TMEM232: variants seen among roughly 807,000 people sequenced by gnomAD.
The protein encoded by TMEM232 is transmembrane protein 232.
A neutral mutation model predicts 78.8 loss-of-function variants in TMEM232; 80 were observed. The ratio of observed to expected loss-of-function variants is 1.01; its 90% CI spans 0.85 to 1.22. TMEM232 has a LOEUF of 1.22. Ranked by LOEUF, TMEM232 falls within the 50% of genes most tolerant of loss-of-function variation. The probability of loss-of-function intolerance (pLI) is 0.00; values close to 1 mark genes in which losing one functional copy is unlikely to be tolerated. For missense variants in TMEM232, 881 were observed against 742.2 expected, an observed-to-expected ratio of 1.19 and a Z score of -2.17; for synonymous variants, 297 against 254.3, an observed-to-expected ratio of 1.17 and a Z score of -1.60.
chr5:110,506,177 G>A (rs1269975897), intron 12 of TMEM232, among the ~76,000 whole-genome samples: 2 of 152,080 alleles, frequency 1.3e-5, no homozygotes, highest in African/African-American at 4.8e-5. Flanking sequence ...CATACCTTAC[G>A]GATAAAAGTG....
chr5:110,620,541 A>C (rs900550438), intron 7 of TMEM232, among the ~76,000 whole-genome samples: 1 of 138,872 alleles, frequency 7.2e-6, no homozygotes, highest in Non-Finnish European at 1.5e-5. Context: ...CTCTCTTATT[A>C]AGACATCCCA....
intron 2 of TMEM232, among the ~76,000 whole-genome samples, chr5:110,410,489 GATATA>G (rs2112581591): frequency 6.6e-6 from 1 of 152,196 alleles, no homozygotes; most frequent in African/African-American, 2.4e-5. Flanking sequence ...CCTAAGAACT[GATATA>G]ATATTTTTTC....
chr5:110,406,077 T>C (rs1373780920), intron 2 of TMEM232, among the ~76,000 whole-genome samples: 3 of 151,970 alleles, frequency 2.0e-5, no homozygotes, highest in African/African-American at 7.2e-5. Context: ...ATGACTGACT[T>C]CTCATCAGAA....
At chr5:110,717,531 C>T (rs1034865524) in intron 1 of TMEM232, among the ~76,000 whole-genome samples, 1 of 152,094 alleles carries the variant, frequency 6.6e-6, no homozygotes, top group South Asian at 2.1e-4. Flanking sequence ...TGTCCTCTTG[C>T]CCAATGTCCT....
At chr5:110,697,798 A>G (rs1794973146) in intron 1 of TMEM232, among the ~76,000 whole-genome samples, 1 of 152,142 alleles carries the variant, frequency 6.6e-6, no homozygotes, top group South Asian at 2.1e-4. Flanking sequence ...TCAGGAAACA[A>G]CAGGTCCTAG....
chr5:110,406,325 A>G (rs1195416815), intron 2 of TMEM232, among the ~76,000 whole-genome samples: 1 of 148,302 alleles, frequency 6.7e-6, no homozygotes, highest in African/African-American at 2.4e-5. Context: ...TATATATAAT[A>G]TTTTCTGTAT....
intron 2 of TMEM232, among the ~76,000 whole-genome samples, chr5:110,659,449 T>C (rs190833194): frequency 6.6e-6 from 1 of 152,276 alleles, no homozygotes; most frequent in Admixed American, 6.5e-5. Context: ...CCCAGGCTGG[T>C]ACACTTACAG....
chr5:110,411,929 C>T (rs311717), intron 2 of TMEM232, among the ~76,000 whole-genome samples: 41,567 of 151,944 alleles, frequency 0.27, 9,381 homozygotes, highest in African/African-American at 0.61. Flanking sequence ...ACTGTAATAT[C>T]TAAATTATGA....
chr5:110,695,290 C>G (rs547325358), intron 1 of TMEM232, among the ~76,000 whole-genome samples: 2 of 152,086 alleles, frequency 1.3e-5, no homozygotes, highest in Non-Finnish European at 2.9e-5. Context: ...ATCTCTGGGA[C>G]GCATTCAAAG....
chr5:110,691,032 C>T (rs11948506), intron 1 of TMEM232, among the ~76,000 whole-genome samples: 25,798 of 151,342 alleles, frequency 0.17, 3,124 homozygotes, highest in African/African-American at 0.34. Flanking sequence ...AGATGACAGG[C>T]TGATGGGTGC....
chr5:110,533,541 C>T (rs536392990), intron 11 of TMEM232, among the ~76,000 whole-genome samples: 25 of 152,338 alleles, frequency 1.6e-4, no homozygotes, highest in Non-Finnish European at 3.4e-4. Context: ...CTATGCTCAA[C>T]TCACTCTACA....
intron 12 of TMEM232, among the ~76,000 whole-genome samples, chr5:110,516,176 T>G (rs367632328): frequency 8.5e-5 from 13 of 152,088 alleles, no homozygotes; most frequent in East Asian, 3.9e-4. Context: ...GAGGCGGAGC[T>G]TGCAGTGAGC....
chr5:110,485,128 A>C (rs918063176), intron 12 of TMEM232, among the ~76,000 whole-genome samples: 1 of 152,176 alleles, frequency 6.6e-6, no homozygotes, highest in Non-Finnish European at 1.5e-5. Context: ...GAATCCTACT[A>C]CCCAGAAGAA....
rs547631126 is a variant in TMEM232 at position 110,684,481 on chromosome 5, T to A, written c.-12-17117A>T. Among the ~76,000 whole-genome samples the A allele has an allele frequency of 3.3e-5, 5 of 152,150 alleles. No homozygotes were observed. The South Asian group carries it at 1.0e-3, about 32-fold the overall frequency. On this transcript the variant is annotated intron_variant, in intron 1 of 13. Transcript: ENST00000455884. ...AGAAGGAAACGTGAAATCCAAGATA[T>A]TATAGATTAAAAGAAAAAATAAAAC...
chr5:110,435,374 C>T (rs1406972937), intron 12 of TMEM232, among the ~76,000 whole-genome samples: 1 of 150,580 alleles, frequency 6.6e-6, no homozygotes, highest in African/African-American at 2.4e-5. Flanking sequence ...GTATATATAC[C>T]TATATGGTAC....
chr5:110,520,364 C>A (rs1159422987), intron 12 of TMEM232, among the ~76,000 whole-genome samples: 2 of 151,786 alleles, frequency 1.3e-5, no homozygotes, highest in Non-Finnish European at 2.9e-5. Flanking sequence ...GTAGATCATT[C>A]TGAACTTCTG....
chr5:110,576,930 T>G (rs1423618879), intron 10 of TMEM232, among the ~76,000 whole-genome samples: 1 of 151,744 alleles, frequency 6.6e-6, no homozygotes, highest in East Asian at 1.9e-4. Context: ...ACTATGAAAA[T>G]CCTGGGAGAC....
At chr5:110,533,418 G>A (rs750347841) in intron 11 of TMEM232, among the ~76,000 whole-genome samples, 4 of 152,120 alleles carry the variant, frequency 2.6e-5, no homozygotes, top group South Asian at 2.1e-4. Context: ...AGCCAGGACC[G>A]CACCCTGTAG....
At chr5:110,411,231 A>G (rs1461558389) in intron 2 of TMEM232, among the ~76,000 whole-genome samples, 1 of 152,050 alleles carries the variant, frequency 6.6e-6, no homozygotes, top group Non-Finnish European at 1.5e-5. Flanking sequence ...TTATGTCAGT[A>G]TATGTTCCTG....
Sources: gnomAD v4.1 joint callset for allele counts (sites outside exome capture counted in the v4.1 genomes callset) on GRCh38, gnomAD v4.1.1 for gene constraint, MANE v1.5 for transcripts, NCBI Gene and HGNC (gene_info 2026-07-23, HGNC 2026-07-21) for gene names.